MARCHF11: variants seen among roughly 807,000 people sequenced by gnomAD.
The protein encoded by MARCHF11 is membrane associated ring-CH-type finger 11.
A neutral mutation model predicts 37.3 loss-of-function variants in MARCHF11; 29 were observed. The ratio of observed to expected loss-of-function variants is 0.78; its 90% confidence interval spans 0.58 to 1.06. The LOEUF (loss-of-function observed/expected upper bound fraction) is 1.06, where lower values mean the gene tolerates loss of function less well. MARCHF11 is among the 50% of genes least tolerant of loss of function. The probability of loss-of-function intolerance (pLI) is 0.00; values close to 1 mark genes in which losing one functional copy is unlikely to be tolerated. For missense variants in MARCHF11, 482 were observed against 533.4 expected (o/e 0.90, Z 0.95); for synonymous variants, 233 against 228.0 (o/e 1.02, Z -0.20).
chr5:16,094,436 G>C (rs906270020), intron 2 of MARCHF11, among the ~76,000 whole-genome samples: 1 of 152,136 alleles, frequency 6.6e-6, no homozygotes, highest in Admixed American at 6.6e-5. Context: ...TTAAGTTTGT[G>C]AGATTATTTC....
chr5:16,142,598 C>T (rs145744831), intron 2 of MARCHF11, among the ~76,000 whole-genome samples: 31 of 152,016 alleles, frequency 2.0e-4, no homozygotes, highest in African/African-American at 6.8e-4. Flanking sequence ...CTAGGGGACT[C>T]GCACATTTCT....
chr5:16,116,825 G>C (rs1737233907), intron 2 of MARCHF11, among the ~76,000 whole-genome samples: 1 of 152,162 alleles, frequency 6.6e-6, no homozygotes, highest in African/African-American at 2.4e-5. Flanking sequence ...CTTTATAATA[G>C]AAGTTGCTTT....
intron 2 of MARCHF11, among the ~76,000 whole-genome samples, chr5:16,125,619 CTGTGT>C (rs1330893218): frequency 5.6e-5 from 8 of 142,254 alleles, no homozygotes; most frequent in Non-Finnish European, 1.1e-4. Flanking sequence ...GGCACACTCT[CTGTGT>C]GTGTGTGTGT....
intron 3 of MARCHF11, among the ~76,000 whole-genome samples, chr5:16,068,212 T>G (rs1478683929): frequency 6.6e-6 from 1 of 152,212 alleles, no homozygotes; most frequent in East Asian, 1.9e-4. Context: ...AGACAGATGT[T>G]AATGTCATTA....
At chr5:16,163,366 T>C (rs1252105946) in intron 2 of MARCHF11, among the ~76,000 whole-genome samples, 1 of 151,920 alleles carries the variant, frequency 6.6e-6, no homozygotes, top group Non-Finnish European at 1.5e-5. Context: ...AGCAATTCCA[T>C]CTAGGGATTA....
intron 2 of MARCHF11, among the ~76,000 whole-genome samples, chr5:16,177,406 C>A (rs923506091): frequency 6.6e-6 from 1 of 152,134 alleles, no homozygotes; most frequent in African/African-American, 2.4e-5. Flanking sequence ...TGTAACATTT[C>A]TAATGAATAA....
At chr5:16,069,262 T>C (rs1736397591) in intron 3 of MARCHF11, among the ~76,000 whole-genome samples, 1 of 152,044 alleles carries the variant, frequency 6.6e-6, no homozygotes, top group African/African-American at 2.4e-5. Flanking sequence ...AATGAATAAA[T>C]ACTATACATT....
intron 2 of MARCHF11, among the ~76,000 whole-genome samples, chr5:16,172,425 C>T (rs188504599): frequency 2.6e-5 from 4 of 152,160 alleles, no homozygotes; most frequent in Admixed American, 6.5e-5. Flanking sequence ...TATTCAGCCA[C>T]GGTAATAAAA....
intron 2 of MARCHF11, among the ~76,000 whole-genome samples, chr5:16,165,342 C>T (rs1738151680): frequency 6.6e-6 from 1 of 152,002 alleles, no homozygotes; most frequent in South Asian, 2.1e-4. Flanking sequence ...ACCCAGTTCC[C>T]CTATTGTTAA....
chr5:16,119,615 G>A (rs1411963063), intron 2 of MARCHF11, among the ~76,000 whole-genome samples: 1 of 151,854 alleles, frequency 6.6e-6, no homozygotes, highest in Non-Finnish European at 1.5e-5. Flanking sequence ...AAAATCTCCA[G>A]AGCCATGATA....
At chr5:16,098,565 C>G (rs1736907684) in intron 2 of MARCHF11, among the ~76,000 whole-genome samples, 1 of 151,956 alleles carries the variant, frequency 6.6e-6, no homozygotes, top group South Asian at 2.1e-4. Flanking sequence ...GTCAACAGTT[C>G]AAGACCAACC....
intron 3 of MARCHF11, among the ~76,000 whole-genome samples, chr5:16,071,826 G>T (rs191898415): frequency 6.6e-6 from 1 of 152,234 alleles, no homozygotes; most frequent in East Asian, 1.9e-4. Flanking sequence ...TTGTTTTTCT[G>T]ATTCATAAGA....
chr5:16,103,163 G>C (rs981068465), intron 2 of MARCHF11, among the ~76,000 whole-genome samples: 7 of 151,910 alleles, frequency 4.6e-5, no homozygotes, highest in African/African-American at 1.7e-4. Context: ...ATACAGCTTG[G>C]TATGCACTCA....
chr5:16,073,422 C>T (rs1736469323), intron 3 of MARCHF11, among the ~76,000 whole-genome samples: 1 of 152,138 alleles, frequency 6.6e-6, no homozygotes, highest in African/African-American at 2.4e-5. Context: ...TAGAGGTAAT[C>T]ACTTTAAAAG....
intron 2 of MARCHF11, among the ~76,000 whole-genome samples, chr5:16,130,983 T>C (rs1737505858): frequency 1.3e-5 from 2 of 150,864 alleles, no homozygotes; most frequent in Admixed American, 1.3e-4. Context: ...GTTGATAAGA[T>C]AATGTTGAAT....
At chr5:16,112,530 T>C (rs1235099624) in intron 2 of MARCHF11, among the ~76,000 whole-genome samples, 1 of 152,220 alleles carries the variant, frequency 6.6e-6, no homozygotes, top group Non-Finnish European at 1.5e-5. Flanking sequence ...TGTACCCACA[T>C]TGTATCTAGG....
At position 16,179,578 on chromosome 5, in the gene MARCHF11, T is replaced by C; in HGVS notation, c.-3A>G. ...CCGTGGCCGCCCTCAAAGCTCATGG[T>C]TGTGCCGCCGCCGCCCTCCTGCCGG... On this transcript the variant is annotated 5_prime_UTR_variant, in exon 1 of 4. Transcript: ENST00000332432. The C allele has an allele frequency of 1.7e-6, 2 of 1,149,858 alleles. No individual in the cohort carries two copies. The highest frequency in any genetic ancestry group is 1.1e-6 in the Non-Finnish European group (1 of 936,270). 71.2% of individuals were successfully genotyped at this position (1,149,858 alleles called of 1,614,324 possible).
intron 1 of MARCHF11, among the ~76,000 whole-genome samples, chr5:16,178,486 G>A (rs924046222): frequency 9.2e-5 from 14 of 152,186 alleles, no homozygotes; most frequent in Admixed American, 5.2e-4. Context: ...TTTTAGAATT[G>A]TGTTGCTGTC....
intron 2 of MARCHF11, among the ~76,000 whole-genome samples, chr5:16,116,932 A>G (rs1448384414): frequency 1.3e-5 from 2 of 152,238 alleles, no homozygotes; most frequent in South Asian, 2.1e-4. Context: ...GAGAAGAGTA[A>G]ACGCTGCCCA....
Sources: gnomAD v4.1 joint callset for allele counts (sites outside exome capture counted in the v4.1 genomes callset) on GRCh38, gnomAD v4.1.1 for gene constraint, MANE v1.5 for transcripts, NCBI Gene and HGNC (gene_info 2026-07-23, HGNC 2026-07-21) for gene names.